The following ZNF90 variants were observed in gnomAD, a reference collection of about 807,000 sequenced individuals.
The protein encoded by ZNF90 is zinc finger protein HTF9.
Under a neutral mutation model 12.0 loss-of-function variants are expected in ZNF90, and 11 were observed. That is an observed-to-expected ratio of 0.92 (90% confidence interval 0.58 to 1.52). The LOEUF (loss-of-function observed/expected upper bound fraction) is 1.52, where lower values mean the gene tolerates loss of function less well. Among genes scored for constraint, ZNF90 ranks in the 40% most tolerant of loss-of-function variants. ZNF90 has a pLI of 0.00. For synonymous variants in ZNF90, 232 were observed against 240.1 expected (o/e 0.97, Z 0.31); for missense variants, 765 against 711.5 (o/e 1.08, Z -0.86).
At chr19:20,096,480 G>A (rs1279695066) in intron 1 of ZNF90, among the ~76,000 whole-genome samples, 2 of 152,074 alleles carry the variant, frequency 1.3e-5, no homozygotes, top group Non-Finnish European at 2.9e-5. Flanking sequence ...GATTTGGGTA[G>A]GTAAAGGAAA....
chr19:20,081,092 A>G (rs771290292), intron 1 of ZNF90, among the ~76,000 whole-genome samples: 10 of 152,174 alleles, frequency 6.6e-5, no homozygotes, highest in Non-Finnish European at 1.2e-4. Context: ...AAGTGCCACA[A>G]TAGGATTCCC....
At chr19:20,084,247 G>A (rs1257799475) in intron 1 of ZNF90, among the ~76,000 whole-genome samples, 3 of 151,990 alleles carry the variant, frequency 2.0e-5, no homozygotes, top group African/African-American at 7.2e-5. Context: ...AGTAGAGACG[G>A]GGTTTCACCA....
rs2089183286 is a variant in ZNF90 at position 20,120,138 on chromosome 19, A to G, written c.*778A>G. On this transcript the variant is annotated 3_prime_UTR_variant, in exon 4 of 4. Coordinates refer to ENST00000418063, the MANE Select transcript of ZNF90 (RefSeq NM_007138.2). ...GTGAAGAATGTGGGAAAACTTTTTA[A>G]TCAGTGCATACACCTTATTTCACAG... Among the ~76,000 whole-genome samples, 1 of 152,238 alleles carries G rather than the reference A, an allele frequency of 6.6e-6. No homozygotes were observed.
At chr19:20,094,253 A>G (rs147131671) in intron 1 of ZNF90, among the ~76,000 whole-genome samples, 128 of 152,222 alleles carry the variant, frequency 8.4e-4, no homozygotes, top group African/African-American at 2.9e-3. Flanking sequence ...ATTATTGTGC[A>G]CCTTGAAGGT....
At chr19:20,091,581 C>T (rs1358372585) in intron 1 of ZNF90, among the ~76,000 whole-genome samples, 1 of 152,182 alleles carries the variant, frequency 6.6e-6, no homozygotes, top group Non-Finnish European at 1.5e-5. Context: ...GAGCTAGCTG[C>T]TTGTCTAGCC....
chr19:20,099,416 T>C (rs1378826490), intron 1 of ZNF90, among the ~76,000 whole-genome samples: 1 of 152,250 alleles, frequency 6.6e-6, no homozygotes, highest in East Asian at 1.9e-4. Context: ...ATACCCATTG[T>C]GGTTTTTTCC....
chr19:20,079,811 T>G (rs904183959), intron 1 of ZNF90: 3 of 305,006 alleles, frequency 9.8e-6, no homozygotes, highest in African/African-American at 6.7e-5. Context: ...CTCACGCCTG[T>G]AATCTCATCT....
chr19:20,117,853 T>C lies in ZNF90; in HGVS notation c.299T>C (p.Val100Ala), dbSNP rs782614571. The C allele has an allele frequency of 6.8e-6, 11 of 1,606,038 alleles. No homozygotes were observed. In the East Asian group the frequency reaches 1.6e-4, roughly 23 times the overall value. ...SLKDSFQKVI[V>A]TRYEKREYGN... ...AAAGATTCCTTCCAAAAAGTGATAGTGACAAGATATGAAAAACGTGAATAT... is the reference window on the plus strand; with the variant it reads ...AAAGATTCCTTCCAAAAAGTGATAGCGACAAGATATGAAAAACGTGAATAT... Residue 100 changes from valine (V) to alanine (A), a missense_variant, in exon 4 of 4, where the codon GTG becomes GCG. Transcript: ENST00000418063.
chr19:20,095,565 G>T (rs1407053077), intron 1 of ZNF90, among the ~76,000 whole-genome samples: 1 of 152,000 alleles, frequency 6.6e-6, no homozygotes, highest in Admixed American at 6.6e-5. Context: ...GCAGGAAGGG[G>T]GGTCAGGGCA....
intron 1 of ZNF90, chr19:20,087,190 G>A (rs1290319481): frequency 6.6e-6 from 1 of 152,152 alleles, no homozygotes; most frequent in African/African-American, 2.4e-5. Context: ...TGGGTGTTTA[G>A]AGAGAGATTT....
chr19:20,082,065 G>GT (rs539151759), intron 1 of ZNF90, among the ~76,000 whole-genome samples: 13 of 150,696 alleles, frequency 8.6e-5, no homozygotes, highest in African/African-American at 1.7e-4. Context: ...CGCCTGGCCT[G>GT]TTTTTTTTTC....
rs1349543561 is a variant in ZNF90, at chr19:20,088,925, G to C, written c.3+10790G>C. On this transcript the variant is annotated intron_variant, in intron 1 of 3. Transcript: ENST00000418063. ...TCATGTTGGTGTCATGAGGGGAACA[G>C]GGAGCTCTTCGGTCCTATTTGCAAA... 2.6e-5 allele frequency among the ~76,000 whole-genome samples: 4 copies of C among 152,332 alleles called. No individual in the cohort carries two copies. The East Asian group carries it at 7.7e-4, about 29-fold the overall frequency.
intron 1 of ZNF90, among the ~76,000 whole-genome samples, chr19:20,093,026 G>A (rs1179742941): frequency 2.0e-5 from 3 of 152,226 alleles, no homozygotes; most frequent in East Asian, 1.9e-4. Context: ...GGACTGATGG[G>A]TGTCAGGGTC....
intron 1 of ZNF90, 127 bp from the exon 2 acceptor site, chr19:20,104,112 A>T (rs2089010981): frequency 1.5e-6 from 2 of 1,373,034 alleles, no homozygotes; most frequent in Non-Finnish European, 2.0e-6. Context: ...GTTTTATTGG[A>T]TAATTTAGTG....
chr19:20,085,512 G>A (rs10402272), intron 1 of ZNF90, among the ~76,000 whole-genome samples: 4,903 of 151,160 alleles, frequency 0.032, 257 homozygotes, highest in African/African-American at 0.11. Flanking sequence ...TGCCCGCCTC[G>A]GCCTCCCAAA....
intron 3 of ZNF90, among the ~76,000 whole-genome samples, chr19:20,114,105 C>A (rs2089115748): frequency 6.6e-6 from 1 of 152,070 alleles, no homozygotes; most frequent in South Asian, 2.1e-4. Flanking sequence ...ATCCTGGCCA[C>A]CATGGGGAAA....
At chr19:20,088,157 A>G (rs1555702301) in intron 1 of ZNF90, among the ~76,000 whole-genome samples, 2 of 151,918 alleles carry the variant, frequency 1.3e-5, no homozygotes, top group African/African-American at 4.8e-5. Context: ...TTATATTAAT[A>G]AGAAAAATAA....
At chr19:20,084,506 A>T (rs539898689) in intron 1 of ZNF90, among the ~76,000 whole-genome samples, 8 of 152,312 alleles carry the variant, frequency 5.3e-5, no homozygotes, top group Admixed American at 3.9e-4. Flanking sequence ...CTATATACCC[A>T]GTTGTGGGGC....
At chr19:20,081,067 C>T (rs1313590204) in intron 1 of ZNF90, among the ~76,000 whole-genome samples, 1 of 152,136 alleles carries the variant, frequency 6.6e-6, no homozygotes, top group African/African-American at 2.4e-5. Context: ...ATGACAGACA[C>T]CCCCCTTTTC....
Sources: gnomAD v4.1 joint callset for allele counts (sites outside exome capture counted in the v4.1 genomes callset) on GRCh38, gnomAD v4.1.1 for gene constraint, MANE v1.5 for transcripts, NCBI Gene and HGNC (gene_info 2026-07-23, HGNC 2026-07-21) for gene names.